TRIM37: variants seen among roughly 807,000 people sequenced by gnomAD.
TRIM37 encodes the protein E3 ubiquitin-protein ligase TRIM37.
TRIM37 carries 80 observed loss-of-function variants against 129.8 expected under a neutral mutation model. The observed-to-expected ratio is 0.62, with a 90% CI of 0.51 to 0.74. TRIM37 has a LOEUF of 0.74. Ranked by LOEUF, TRIM37 falls within the 30% of genes least tolerant of loss-of-function variation. TRIM37 has a pLI of 0.00. For synonymous variants in TRIM37, 389 were observed against 387.1 expected, an observed-to-expected ratio of 1.00 and a Z score of -0.06; for missense variants, 1,054 against 1,176.5, an observed-to-expected ratio of 0.90 and a Z score of 1.52.
At chr17:58,996,659 C>T (rs2033030460), downstream of TRIM37, among the ~76,000 whole-genome samples, 1 of 151,104 alleles carries the variant, frequency 6.6e-6, no homozygotes, top group Non-Finnish European at 1.5e-5. Context: ...TGGACACCTA[C>T]TCAGGAGGCT....
At chr17:59,044,437 G>A (rs1475279311) in intron 16 of TRIM37, among the ~76,000 whole-genome samples, 1 of 151,956 alleles carries the variant, frequency 6.6e-6, no homozygotes, top group Non-Finnish European at 1.5e-5. Context: ...TGGCAGGCGT[G>A]TATAATCCCA....
chr17:59,101,564 A>C (rs1043793739), intron 2 of TRIM37, among the ~76,000 whole-genome samples: 2 of 149,276 alleles, frequency 1.3e-5, no homozygotes, highest in Non-Finnish European at 3.0e-5. Context: ...CATGCCTGTA[A>C]TCCCAGCACT....
intron 17 of TRIM37, among the ~76,000 whole-genome samples, chr17:59,035,544 G>C (rs1295215152): frequency 6.6e-6 from 1 of 151,326 alleles, no homozygotes; most frequent in Non-Finnish European, 1.5e-5. Context: ...ACGAGGTCAG[G>C]AGTTCAAGAC....
intron 16 of TRIM37, 125 bp downstream of exon 16, chr17:59,047,558 A>T: frequency 2.0e-6 from 2 of 983,278 alleles, no homozygotes; most frequent in Non-Finnish European, 3.0e-6. Context: ...TAGAGAGAGA[A>T]AACTGACTAT....
chr17:59,082,143 C>A (rs779231731), intron 5 of TRIM37, among the ~76,000 whole-genome samples: 50 of 151,540 alleles, frequency 3.3e-4, no homozygotes, highest in Non-Finnish European at 6.5e-4. Context: ...TGGTGGCATG[C>A]GCCTGTAATC....
intron 5 of TRIM37, among the ~76,000 whole-genome samples, chr17:59,081,966 A>T (rs1417106702): frequency 1.4e-5 from 2 of 139,178 alleles, no homozygotes; most frequent in Non-Finnish European, 3.2e-5. Flanking sequence ...AAAAAAAAAA[A>T]TAATAATAAT....
chr17:58,972,648 GC>G, the TRIM37 span, among the ~76,000 whole-genome samples: 4 of 152,178 alleles, frequency 2.6e-5, no homozygotes, highest in African/African-American at 9.7e-5. Flanking sequence ...ACCGCGCCCG[GC>G]CAGGATTCAC....
chr17:58,975,720 T>C, the TRIM37 span, among the ~76,000 whole-genome samples: 1 of 152,152 alleles, frequency 6.6e-6, no homozygotes, highest in East Asian at 1.9e-4. Context: ...AAGGGCCTTA[T>C]GTGCGAGGCT....
intron 19 of TRIM37, among the ~76,000 whole-genome samples, chr17:59,022,460 G>A (rs2036720525): frequency 6.6e-6 from 1 of 152,186 alleles, no homozygotes; most frequent in Admixed American, 6.5e-5. Context: ...AAGAAAAGAG[G>A]CAGTTTGGTA....
chr17:59,015,724 A>G lies in TRIM37; in HGVS notation c.2462T>C (p.Ile821Thr), dbSNP rs568951197. The G allele has an allele frequency of 1.9e-6, 3 of 1,614,152 alleles. No homozygotes were observed. The highest frequency in any genetic ancestry group is 2.7e-5 in the African/African-American group (2 of 75,040). Residue 821 changes from isoleucine (I) to threonine (T), a missense_variant, in exon 21 of 24, where the codon ATT (isoleucine) becomes ACT (threonine). By Grantham distance (89) the Ile-to-Thr change is moderately conservative. Transcript: ENST00000262294. ...RALIHGSIGD[I>T]LPKTEDRQCK... is the part of the protein sequence containing the mutation. ...CTGCCGGTCTTCAGTTTTTGGCAGA[A>G]TATCACCGATACTGCCATGTATCAA... is the stretch of plus-strand genomic sequence containing the variant.
chr17:59,088,101 T>C (rs1403583420), intron 4 of TRIM37, 190 bp downstream of exon 4: 1 of 616,322 alleles, frequency 1.6e-6, no homozygotes, highest in East Asian at 2.7e-5. Context: ...TGGCATGAAA[T>C]AACTGTTGTT....
In TRIM37 at chr17:59,063,325, G is replaced by A. The variant is rs559787641; in HGVS notation, c.861-677C>T. On this transcript the variant is annotated intron_variant, in intron 10 of 23. Coordinates refer to ENST00000262294, the MANE Select transcript of TRIM37 (RefSeq NM_015294.6). Reference sequence around the variant, plus strand: ...CTCCCAAGTAGCTGGGATTACAGGCGCCCACCACCACGCCCAGCTAATTTT... The same window carrying A: ...CTCCCAAGTAGCTGGGATTACAGGCACCCACCACCACGCCCAGCTAATTTT... Among the ~76,000 whole-genome samples the A allele has an allele frequency of 1.3e-4, 20 of 152,122 alleles. No homozygotes were observed. The South Asian group carries it at 2.1e-3, about 16-fold the overall frequency.
intron 11 of TRIM37, among the ~76,000 whole-genome samples, chr17:59,061,450 A>G (rs1424012259): frequency 6.6e-6 from 1 of 152,044 alleles, no homozygotes; most frequent in Non-Finnish European, 1.5e-5. Context: ...GCAAAAAAAA[A>G]TTTTAAACCA....
chr17:58,997,322 A>G (rs1357460683), downstream of TRIM37, among the ~76,000 whole-genome samples: 2 of 152,220 alleles, frequency 1.3e-5, no homozygotes, highest in African/African-American at 2.4e-5. Context: ...CTAAAAAAAA[A>G]GAATAATCTT....
chr17:59,075,854 C>A (rs1396360454), intron 7 of TRIM37, 140 bp from the exon 8 acceptor site: 1 of 677,944 alleles, frequency 1.5e-6, no homozygotes, highest in Non-Finnish European at 2.6e-6. Flanking sequence ...CCTAAAAATT[C>A]TCATTCAACT....
chr17:59,001,241 C>A (rs894337131), intron 23 of TRIM37, among the ~76,000 whole-genome samples: 1 of 148,250 alleles, frequency 6.7e-6, no homozygotes, highest in Non-Finnish European at 1.5e-5. Flanking sequence ...AAAGAAAATT[C>A]TTCTTTGTTT....
chr17:59,008,057 A>C (rs2034773632), intron 22 of TRIM37, among the ~76,000 whole-genome samples: 1 of 152,244 alleles, frequency 6.6e-6, no homozygotes, highest in African/African-American at 2.4e-5. Context: ...TGATGATAGA[A>C]TAATACTGGC....
At chr17:59,047,027 G>T (rs745634351) in intron 16 of TRIM37, among the ~76,000 whole-genome samples, 1 of 151,620 alleles carries the variant, frequency 6.6e-6, no homozygotes, top group Non-Finnish European at 1.5e-5. Context: ...GGTGGCGGGC[G>T]CCTGTAGTTC....
intron 16 of TRIM37, among the ~76,000 whole-genome samples, chr17:59,042,561 G>A (rs1280379316): frequency 2.0e-5 from 3 of 149,812 alleles, no homozygotes; most frequent in African/African-American, 7.4e-5. Context: ...TCAGGATTTC[G>A]AGACCAGCCT....
Sources: gnomAD v4.1 joint callset for allele counts (sites outside exome capture counted in the v4.1 genomes callset) on GRCh38, gnomAD v4.1.1 for gene constraint, MANE v1.5 for transcripts, NCBI Gene and HGNC (gene_info 2026-07-23, HGNC 2026-07-21) for gene names.